AATF: variants seen among roughly 807,000 people sequenced by gnomAD.
AATF encodes protein AATF.
AATF carries 48 observed loss-of-function variants against 63.7 expected under a neutral mutation model. The ratio of observed to expected loss-of-function variants is 0.75; its 90% confidence interval spans 0.60 to 0.96. The LOEUF (loss-of-function observed/expected upper bound fraction) is 0.96, where lower values mean the gene tolerates loss of function less well. AATF is among the 40% of genes least tolerant of loss of function. The pLI is 0.00. For synonymous variants in AATF, 258 were observed against 247.7 expected (o/e 1.04, Z -0.39); for missense variants, 639 against 685.7 (o/e 0.93, Z 0.76).
At chr17:37,000,985 G>T (rs974801513) in intron 8 of AATF, among the ~76,000 whole-genome samples, 3 of 151,790 alleles carry the variant, frequency 2.0e-5, no homozygotes, top group Middle Eastern at 6.8e-3. Context: ...GGTAAATTCA[G>T]TATTATCCTG....
chr17:36,998,126 C>T (rs2071268331), intron 8 of AATF, among the ~76,000 whole-genome samples: 1 of 152,124 alleles, frequency 6.6e-6, no homozygotes, highest in South Asian at 2.1e-4. Context: ...GGTGCAGTAT[C>T]TACTGCTTGG....
At chr17:36,955,634 G>A (rs1399345106) in intron 4 of AATF, among the ~76,000 whole-genome samples, 1 of 151,980 alleles carries the variant, frequency 6.6e-6, no homozygotes, top group Non-Finnish European at 1.5e-5. Flanking sequence ...GATAAGGCCT[G>A]TTTTCATTTT....
At chr17:36,967,366 C>G (rs1333960096) in intron 4 of AATF, among the ~76,000 whole-genome samples, 1 of 152,102 alleles carries the variant, frequency 6.6e-6, no homozygotes, top group Non-Finnish European at 1.5e-5. Flanking sequence ...GTTTTGTTTT[C>G]TAGAGTTGAT....
intron 11 of AATF, among the ~76,000 whole-genome samples, chr17:37,044,620 G>C (rs1219374874): frequency 2.6e-5 from 4 of 152,078 alleles, no homozygotes; most frequent in Non-Finnish European, 5.9e-5. Context: ...ACCAGGTTTG[G>C]TTCTGATGGC....
chr17:36,989,220 A>G, intron 6 of AATF, 27 bp from the exon 7 acceptor site: 1 of 1,598,074 alleles, frequency 6.3e-7, no homozygotes, highest in Non-Finnish European at 8.5e-7. Flanking sequence ...TTTCTGCATT[A>G]TCTGACACTG....
chr17:37,028,321 G>A (rs550806945), intron 10 of AATF, among the ~76,000 whole-genome samples: 15 of 152,098 alleles, frequency 9.9e-5, no homozygotes, highest in Admixed American at 7.9e-4. Context: ...GGTGGTGGTC[G>A]GGGCTGGGAG....
chr17:36,955,170 A>G (rs2070889431), intron 4 of AATF, among the ~76,000 whole-genome samples: 1 of 152,196 alleles, frequency 6.6e-6, no homozygotes, highest in East Asian at 1.9e-4. Context: ...TAGAGTTGGA[A>G]GGGACCTGAG....
intron 4 of AATF, among the ~76,000 whole-genome samples, chr17:36,960,636 C>G (rs1567965355): frequency 6.6e-6 from 1 of 152,138 alleles, no homozygotes; most frequent in Non-Finnish European, 1.5e-5. Context: ...TCGGAGTTCT[C>G]TCAGTTAACA....
intron 4 of AATF, among the ~76,000 whole-genome samples, chr17:36,954,130 C>T (rs2070880627): frequency 1.4e-5 from 2 of 147,904 alleles, no homozygotes; most frequent in South Asian, 2.1e-4. Context: ...TACAGTGGCG[C>T]GATCACAGGT....
chr17:37,001,411 GGAAGGAAGGA>G lies in AATF; in HGVS notation c.1398+10555_1398+10564del, dbSNP rs2071294812. On this transcript the variant is annotated intron_variant, in intron 8 of 11. Coordinates refer to ENST00000619387, the MANE Select transcript of AATF (RefSeq NM_012138.4). ...AGGTATGGGAGGAGGGAGGGAGGAA[GGAAGGAAGGA>G]AGGAAGGAAGGAAGGAAGGAAGGAA... 7.2e-4 allele frequency among the ~76,000 whole-genome samples: 77 copies of G among 106,258 alleles called. 4 individuals carry two copies. The highest frequency in any genetic ancestry group is 9.0e-3 in the Middle Eastern group (2 of 222). 69.7% of individuals were successfully genotyped at this position (106,258 alleles called of 152,430 possible). A position where few individuals can be genotyped will look rare whatever the true frequency, so the allele number is the denominator to read the frequency against.
intron 8 of AATF, among the ~76,000 whole-genome samples, chr17:37,003,772 G>T (rs1316049309): frequency 6.6e-6 from 1 of 150,852 alleles, no homozygotes; most frequent in Non-Finnish European, 1.5e-5. Flanking sequence ...TGACCAACAA[G>T]AACTCTTTTA....
intron 11 of AATF, among the ~76,000 whole-genome samples, chr17:37,035,187 C>G (rs1457541219): frequency 6.6e-6 from 1 of 151,350 alleles, no homozygotes; most frequent in African/African-American, 2.4e-5. Context: ...TCAACCTAAT[C>G]AAAGAAATGC....
At position 37,033,769 on chromosome 17, in the gene AATF, T is replaced by G. The variant is rs565590205; in HGVS notation, c.1619+2084T>G. 4.1e-4 allele frequency: 63 copies of G among 154,816 alleles called. No individual in the cohort carries two copies. The South Asian group carries it at 0.013, about 31-fold the overall frequency. 9.6% of individuals were successfully genotyped at this position (154,816 alleles called of 1,614,324 possible). A position where few individuals can be genotyped will look rare whatever the true frequency, so the allele number is the denominator to read the frequency against. ...TGGTGTTAGGGCCAACATCTCTTGG[T>G]CTTTCCCCTGTGGTCCCAAGATGGC... On this transcript the variant is annotated intron_variant, in intron 11 of 11. Transcript: ENST00000619387.
At chr17:37,019,265 A>G (rs1417586592) in intron 9 of AATF, among the ~76,000 whole-genome samples, 193 bp downstream of exon 9, 1 of 152,258 alleles carries the variant, frequency 6.6e-6, no homozygotes, top group African/African-American at 2.4e-5. Flanking sequence ...AAGAAATTAT[A>G]AAACACCTAT....
chr17:36,949,262 C>G (rs768748273), intron 1 of AATF, 46 bp downstream of exon 1: 5 of 1,531,970 alleles, frequency 3.3e-6, no homozygotes, highest in Non-Finnish European at 3.5e-6. Context: ...GTGGGCCAGG[C>G]CCTGTGGGGC....
chr17:36,957,758 T>C (rs1339399209), intron 4 of AATF, among the ~76,000 whole-genome samples: 1 of 152,214 alleles, frequency 6.6e-6, no homozygotes, highest in Non-Finnish European at 1.5e-5. Context: ...AATCCTGTCC[T>C]CAGGTTGCGT....
chr17:37,024,565 G>C (rs2071497066), intron 10 of AATF, among the ~76,000 whole-genome samples: 1 of 152,224 alleles, frequency 6.6e-6, no homozygotes, highest in South Asian at 2.1e-4. Flanking sequence ...GTGAGTGCTA[G>C]ATCATGACCA....
chr17:36,989,158 C>T, intron 6 of AATF, 89 bp from the exon 7 acceptor site: 2 of 1,402,796 alleles, frequency 1.4e-6, no homozygotes, highest in East Asian at 2.3e-5. Flanking sequence ...TTCTATCTCT[C>T]TGCTGACACA....
At chr17:37,004,477 T>C (rs2071326650) in intron 8 of AATF, among the ~76,000 whole-genome samples, 3 of 152,094 alleles carry the variant, frequency 2.0e-5, no homozygotes, top group Admixed American at 2.0e-4. Context: ...TTTTGTATGT[T>C]GATGGAAATG....
Sources: allele counts gnomAD v4.1 joint callset (sites outside exome capture counted in the v4.1 genomes callset), GRCh38; gene constraint gnomAD v4.1.1; transcripts MANE v1.5; gene names NCBI Gene and HGNC (gene_info 2026-07-23, HGNC 2026-07-21).